ADRA1A: variants seen among roughly 807,000 people sequenced by gnomAD.
ADRA1A encodes the protein adrenoceptor alpha 1A.
In ADRA1A, 31 loss-of-function variants were observed where a neutral mutation model predicts 29.6. The ratio of observed to expected loss-of-function variants is 1.05; its 90% confidence interval spans 0.79 to 1.41. The LOEUF is 1.41. Ranked by LOEUF, ADRA1A falls within the 40% of genes most tolerant of loss-of-function variation. The pLI is 0.00. For missense variants in ADRA1A, 619 were observed against 601.1 expected, an observed-to-expected ratio of 1.03 and a Z score of -0.31; for synonymous variants, 311 against 254.3, an observed-to-expected ratio of 1.22 and a Z score of -2.12.
chr8:26,808,893 G>C (rs1325573217), intron 2 of ADRA1A, among the ~76,000 whole-genome samples: 4 of 152,078 alleles, frequency 2.6e-5, no homozygotes, highest in Admixed American at 2.0e-4. Context: ...GACAGCTTTG[G>C]TAGGAAACAT....
intron 2 of ADRA1A, among the ~76,000 whole-genome samples, chr8:26,749,216 G>A (rs1337032796): frequency 6.6e-6 from 1 of 152,162 alleles, no homozygotes; most frequent in Non-Finnish European, 1.5e-5. Context: ...AAGGACAGGA[G>A]ACTGGACTTT....
chr8:26,772,716 A>G (rs2064487593), intron 2 of ADRA1A, among the ~76,000 whole-genome samples: 1 of 152,222 alleles, frequency 6.6e-6, no homozygotes, highest in African/African-American at 2.4e-5. Context: ...GTGCTCTGAA[A>G]TTAAGTCAAA....
intron 2 of ADRA1A, among the ~76,000 whole-genome samples, chr8:26,813,523 T>A (rs1809561472): frequency 6.6e-6 from 1 of 151,696 alleles, no homozygotes; most frequent in African/African-American, 2.4e-5. Context: ...CATCCATCCA[T>A]CCATCCATCC....
At chr8:26,859,003 G>A in intron 2 of ADRA1A, 1 of 1,197,838 alleles carries the variant, frequency 8.3e-7, no homozygotes, top group Non-Finnish European at 1.1e-6. Context: ...TATACAGGAA[G>A]GACCTTTGCA....
intron 2 of ADRA1A, among the ~76,000 whole-genome samples, chr8:26,784,980 C>G (rs1009594521): frequency 6.6e-6 from 1 of 152,184 alleles, no homozygotes; most frequent in Non-Finnish European, 1.5e-5. Context: ...AAGTACCACA[C>G]AGCATCCTAT....
At chr8:26,800,723 T>C (rs1304755624) in intron 2 of ADRA1A, among the ~76,000 whole-genome samples, 1 of 152,018 alleles carries the variant, frequency 6.6e-6, no homozygotes, top group Non-Finnish European at 1.5e-5. Flanking sequence ...TTTCAAAAAA[T>C]AGAAGAAGAG....
downstream of ADRA1A, among the ~76,000 whole-genome samples, chr8:26,763,221 T>C (rs1411209842): frequency 6.6e-6 from 1 of 152,030 alleles, no homozygotes; most frequent in Non-Finnish European, 1.5e-5. The surrounding 1 kb of genome is among the most constrained non-coding windows in gnomAD (Gnocchi z 4.5). Flanking sequence ...TGGTGTGGGG[T>C]GCCATGTCCA....
At chr8:26,836,224 CT>C in intron 2 of ADRA1A, 1 of 238,978 alleles carries the variant, frequency 4.2e-6, no homozygotes, top group East Asian at 1.1e-4. Context: ...GTCTTCATGT[CT>C]TTTGCCAAGG....
At chr8:26,842,359 T>G (rs1229643414) in intron 2 of ADRA1A, among the ~76,000 whole-genome samples, 1 of 152,194 alleles carries the variant, frequency 6.6e-6, no homozygotes, top group African/African-American at 2.4e-5. Context: ...CAAAATATGA[T>G]CAATACTAAA....
Position 26,821,227 on chromosome 8 carries a change from C to T in ADRA1A, c.883+42860G>A, listed in dbSNP as rs542482033. Among the ~76,000 whole-genome samples, 3 of 152,160 alleles carry T rather than the reference C, an allele frequency of 2.0e-5. No individual in the cohort carries two copies. Among genetic ancestry groups the T allele is most frequent in the African/African-American group, 4.8e-5 (2 of 41,516 alleles). On this transcript the variant is annotated intron_variant, in intron 2 of 2. Coordinates refer to ENST00000380573, the MANE Select transcript of ADRA1A (RefSeq NM_000680.4). This position sits in a 1 kb window ranked among gnomAD's most constrained non-coding sequence, Gnocchi z 5.6. ...TTTAGTGTTGCTATGAAGAAATACC[C>T]GAGGCTGGATGAGTTATAAAGAAAG... is the stretch of plus-strand genomic sequence containing the variant.
At chr8:26,830,664 C>A (rs561599519) in intron 2 of ADRA1A, among the ~76,000 whole-genome samples, 12 of 152,260 alleles carry the variant, frequency 7.9e-5, no homozygotes, top group African/African-American at 2.9e-4. Context: ...AAGGAATTAA[C>A]CAAGAAATAA....
At chr8:26,862,522 T>C (rs945520102) in intron 2 of ADRA1A, among the ~76,000 whole-genome samples, 3 of 152,196 alleles carry the variant, frequency 2.0e-5, no homozygotes, top group Admixed American at 6.5e-5. Context: ...GAACAGATGG[T>C]CCATAAATAC....
intron 2 of ADRA1A, among the ~76,000 whole-genome samples, chr8:26,827,644 C>A (rs780442436): frequency 6.6e-6 from 1 of 151,474 alleles, no homozygotes; most frequent in Non-Finnish European, 1.5e-5. Flanking sequence ...TTTTTAGCAA[C>A]AAGAATGCTC....
intron 2 of ADRA1A, among the ~76,000 whole-genome samples, chr8:26,793,890 T>A (rs954953054): frequency 1.3e-5 from 2 of 151,966 alleles, no homozygotes; most frequent in Admixed American, 1.3e-4. Flanking sequence ...TAAAAATGCT[T>A]CCTAATTCAC....
rs1392347845 is a variant in ADRA1A, at chr8:26,806,764, G to A, written c.884-36098C>T. Among the ~76,000 whole-genome samples the A allele has an allele frequency of 2.6e-5, 4 of 152,152 alleles. No individual in the cohort carries two copies. The highest frequency in any genetic ancestry group is 1.9e-4 in the East Asian group (1 of 5,200). On this transcript the variant is annotated intron_variant, in intron 2 of 2. Transcript: ENST00000380573. The surrounding 1 kb of genome is among the most constrained non-coding windows in gnomAD (Gnocchi z 4.6). The stretch of plus-strand genomic sequence containing the variant: ...TGGAAGGAGGAAATAGGAAGAGCAC[G>A]TGCAGTGGCTGCTGCTAGAAGTGGC...
intron 2 of ADRA1A, among the ~76,000 whole-genome samples, chr8:26,807,211 A>G (rs1295265000): frequency 1.3e-5 from 2 of 152,194 alleles, no homozygotes; most frequent in African/African-American, 2.4e-5. Context: ...TGGGCAAGCC[A>G]CTGAGCTCTG....
chr8:26,838,691 A>C (rs552698931), intron 2 of ADRA1A, among the ~76,000 whole-genome samples: 40 of 152,388 alleles, frequency 2.6e-4, no homozygotes, highest in African/African-American at 9.4e-4. Flanking sequence ...AGGGTCATTC[A>C]AAAATTTGAA....
downstream of ADRA1A, among the ~76,000 whole-genome samples, chr8:26,754,106 C>A (rs978052274): frequency 6.6e-6 from 1 of 152,108 alleles, no homozygotes; most frequent in Non-Finnish European, 1.5e-5. Context: ...ACAGATGGAC[C>A]TGTAAAAATG....
At chr8:26,751,243 T>C (rs1370163990) in intron 2 of ADRA1A, among the ~76,000 whole-genome samples, 2 of 152,216 alleles carry the variant, frequency 1.3e-5, no homozygotes, top group East Asian at 1.9e-4. Flanking sequence ...CATGTGCAGA[T>C]GTAATTCTGA....
Sources: gnomAD v4.1 joint callset for allele counts (sites outside exome capture counted in the v4.1 genomes callset) on GRCh38, gnomAD v4.1.1 for gene constraint, Gnocchi (gnomAD v3.1) non-coding constraint, MANE v1.5 for transcripts, NCBI Gene and HGNC (gene_info 2026-07-23, HGNC 2026-07-21) for gene names.